Variants in FER observed in about 807,000 individuals in gnomAD.
The protein encoded by FER is tyrosine-protein kinase Fer.
FER carries 63 observed loss-of-function variants against 111.0 expected under a neutral mutation model. The ratio of observed to expected loss-of-function variants is 0.57; its 90% CI spans 0.46 to 0.70. The LOEUF is 0.70. FER is among the 30% of genes least tolerant of loss of function. FER has a pLI of 0.00. For synonymous variants in FER, 327 were observed against 313.9 expected (o/e 1.04, Z -0.44); for missense variants, 914 against 954.0 (o/e 0.96, Z 0.55).
At chr5:108,752,091 C>T (rs1455057504) in intron 1 of FER, among the ~76,000 whole-genome samples, 2 of 151,946 alleles carry the variant, frequency 1.3e-5, no homozygotes, top group African/African-American at 4.8e-5. Flanking sequence ...TATGGTTAAC[C>T]TATCATGCTA....
intron 10 of FER, among the ~76,000 whole-genome samples, chr5:108,926,670 A>G (rs1753780906): frequency 6.6e-6 from 1 of 152,210 alleles, no homozygotes; most frequent in African/African-American, 2.4e-5. Context: ...ATATACTTTT[A>G]AGTACTTTTC....
chr5:108,984,044 T>C (rs1019282640), intron 13 of FER, among the ~76,000 whole-genome samples: 2 of 152,146 alleles, frequency 1.3e-5, no homozygotes, highest in Non-Finnish European at 2.9e-5. Flanking sequence ...CGGTGCCTAC[T>C]CTTCTTGAAA....
intron 13 of FER, among the ~76,000 whole-genome samples, chr5:109,011,658 TTTTA>T (rs1013628318): frequency 1.3e-4 from 20 of 152,202 alleles, no homozygotes; most frequent in African/African-American, 4.8e-4. Flanking sequence ...TTTATCTTGC[TTTTA>T]TTTTTTTGAA....
intron 2 of FER, among the ~76,000 whole-genome samples, chr5:108,796,319 G>T (rs1402790517): frequency 6.6e-6 from 1 of 152,206 alleles, no homozygotes; most frequent in Non-Finnish European, 1.5e-5. Flanking sequence ...CACTGGGTCA[G>T]ACCTAAAGCC....
At chr5:108,883,622 AC>A (rs67264931) in intron 9 of FER, 104 bp downstream of exon 9, 218,794 of 1,031,602 alleles carry the variant, frequency 0.21, 24,912 homozygotes, top group Middle Eastern at 0.32. Flanking sequence ...AGAAACAGAA[AC>A]TTTTATTTTA....
chr5:108,785,308 T>A (rs1019972829), intron 2 of FER: 4 of 550,000 alleles, frequency 7.3e-6, no homozygotes, highest in Non-Finnish European at 1.4e-5. Context: ...GTGGGGGCAT[T>A]ATCAACACCC....
chr5:109,139,350 CTT>C (rs59092426), intron 17 of FER, among the ~76,000 whole-genome samples: 74 of 91,092 alleles, frequency 8.1e-4, no homozygotes, highest in South Asian at 2.0e-3. Flanking sequence ...TTCTTTCTTT[CTT>C]TTTTTTTTTT....
intron 4 of FER, 39 bp downstream of exon 4, chr5:108,832,982 T>C: frequency 1.0e-5 from 15 of 1,498,738 alleles, no homozygotes; most frequent in Non-Finnish European, 1.3e-5. Context: ...TTGAAATTGT[T>C]TTCCAAATTC....
At chr5:109,185,909 A>G (rs1041773958) in intron 18 of FER, among the ~76,000 whole-genome samples, 3 of 152,258 alleles carry the variant, frequency 2.0e-5, no homozygotes, top group Non-Finnish European at 2.9e-5. Context: ...AAACCTATAT[A>G]GCATGTTACT....
At chr5:108,894,544 G>A (rs918224289) in intron 9 of FER, 2 of 406,346 alleles carry the variant, frequency 4.9e-6, no homozygotes, top group East Asian at 5.7e-5. Context: ...TCCACAGAAT[G>A]GAGGGTTCCA....
intron 8 of FER, among the ~76,000 whole-genome samples, chr5:108,880,774 A>G (rs938612350): frequency 6.6e-6 from 1 of 152,054 alleles, no homozygotes; most frequent in African/African-American, 2.4e-5. Context: ...CCTTTCCCTG[A>G]TGACTCTCGA....
intron 16 of FER, among the ~76,000 whole-genome samples, chr5:109,091,209 A>C (rs1264585673): frequency 6.6e-6 from 1 of 152,132 alleles, no homozygotes; most frequent in African/African-American, 2.4e-5. Context: ...TATTATCAGG[A>C]CCTTGAGGGC....
At chr5:109,149,884 G>A (rs1022633285) in intron 17 of FER, among the ~76,000 whole-genome samples, 3 of 152,106 alleles carry the variant, frequency 2.0e-5, no homozygotes, top group Non-Finnish European at 4.4e-5. Flanking sequence ...GAGCTGCCCA[G>A]CAGGAAGTGA....
intron 17 of FER, among the ~76,000 whole-genome samples, chr5:109,125,293 T>C (rs1427083596): frequency 1.3e-5 from 2 of 152,104 alleles, no homozygotes; most frequent in African/African-American, 2.4e-5. Context: ...GTTCCAACAG[T>C]TTTGTGAAGT....
At chr5:108,884,294 C>T (rs185761327) in intron 9 of FER, among the ~76,000 whole-genome samples, 1 of 152,080 alleles carries the variant, frequency 6.6e-6, no homozygotes, top group African/African-American at 2.4e-5. Flanking sequence ...CACAACTTTT[C>T]ATATATCCTC....
intron 16 of FER, among the ~76,000 whole-genome samples, chr5:109,056,497 A>T (rs1270108977): frequency 2.0e-5 from 3 of 151,902 alleles, no homozygotes; most frequent in Admixed American, 2.0e-4. Flanking sequence ...CATATTATAT[A>T]TGGAATCTTA....
At chr5:109,016,212 A>G (rs1189907470) in intron 13 of FER, among the ~76,000 whole-genome samples, 1 of 152,028 alleles carries the variant, frequency 6.6e-6, no homozygotes, top group East Asian at 1.9e-4. Context: ...ATTCCAAGGC[A>G]TCCTGTGTAG....
chr5:109,018,547 G>A (rs1767500222), intron 13 of FER, among the ~76,000 whole-genome samples: 1 of 151,810 alleles, frequency 6.6e-6, no homozygotes, highest in Non-Finnish European at 1.5e-5. Context: ...TCCCACAATA[G>A]TGGATGTGTA....
At chr5:108,958,736 G>T (rs566382400) in intron 12 of FER, among the ~76,000 whole-genome samples, 1 of 151,912 alleles carries the variant, frequency 6.6e-6, no homozygotes, top group South Asian at 2.1e-4. Flanking sequence ...TCAGCAGATA[G>T]AAAATAAATG....
Sources: allele counts gnomAD v4.1 joint callset (sites outside exome capture counted in the v4.1 genomes callset), GRCh38; gene constraint gnomAD v4.1.1; transcripts MANE v1.5; gene names NCBI Gene and HGNC (gene_info 2026-07-23, HGNC 2026-07-21).